Variants in STARD4 observed in about 807,000 individuals in gnomAD.
The protein encoded by STARD4 is stAR-related lipid transfer protein 4.
In STARD4, 33 loss-of-function variants were observed where a neutral mutation model predicts 24.9. The ratio of observed to expected loss-of-function variants is 1.32; its 90% confidence interval spans 1.00 to 1.77. The LOEUF (loss-of-function observed/expected upper bound fraction) is 1.77. Among genes scored for constraint, STARD4 ranks in the 40% most tolerant of loss-of-function variants. The probability of loss-of-function intolerance (pLI) is 0.00; values close to 1 mark genes in which losing one functional copy is unlikely to be tolerated. For synonymous variants in STARD4, 88 were observed against 77.4 expected (o/e 1.14, Z -0.72); for missense variants, 238 against 249.3 (o/e 0.95, Z 0.31).
chr5:111,500,672 C>T, intron 5 of STARD4: 1 of 1,303,858 alleles, frequency 7.7e-7, no homozygotes, highest in Non-Finnish European at 9.7e-7. Flanking sequence ...TCTAGTACTT[C>T]TCTGTGTATG....
chr5:111,510,233 A>G (rs1757148360), intron 1 of STARD4, among the ~76,000 whole-genome samples: 1 of 152,222 alleles, frequency 6.6e-6, no homozygotes, highest in African/African-American at 2.4e-5. Flanking sequence ...AACAGGCATA[A>G]TTGAGCATTT....
intron 1 of STARD4, among the ~76,000 whole-genome samples, chr5:111,511,278 T>G (rs913871577): frequency 1.3e-5 from 2 of 152,166 alleles, no homozygotes; most frequent in Non-Finnish European, 2.9e-5. Flanking sequence ...CCTAATGCTC[T>G]AATACTTGAT....
At chr5:111,504,650 A>G (rs1031983779) in intron 3 of STARD4, among the ~76,000 whole-genome samples, 3 of 152,174 alleles carry the variant, frequency 2.0e-5, no homozygotes, top group Admixed American at 6.5e-5. Flanking sequence ...TTATAACTCA[A>G]GCCAAACTTA....
At position 111,499,573 on chromosome 5, in the gene STARD4, A is replaced by G. The variant is rs1436102837; in HGVS notation, c.*313T>C. The G allele has an allele frequency of 3.7e-6, 1 of 273,810 alleles. No homozygotes were observed. Among genetic ancestry groups the G allele is most frequent in the Non-Finnish European group, 6.9e-6 (1 of 144,562 alleles). The allele number at this position is 273,810 out of a possible 1,614,324, so 17.0% of individuals were successfully genotyped here. A position where few individuals can be genotyped will look rare whatever the true frequency, so the allele number is the denominator to read the frequency against. Reference sequence around the variant, plus strand: ...GTGGCGTGCACCTGTATTCCCAGCTATTCAGGAGGCTGAGGTAGAATAACC... The same window carrying G: ...GTGGCGTGCACCTGTATTCCCAGCTGTTCAGGAGGCTGAGGTAGAATAACC... On this transcript the variant is annotated 3_prime_UTR_variant, in exon 6 of 6. Coordinates refer to ENST00000296632, the MANE Select transcript of STARD4 (RefSeq NM_139164.3).
rs1022558972 is a variant in STARD4 at position 111,497,751 on chromosome 5, T to A, written c.*2135A>T. 3 of 152,064 alleles carry A rather than the reference T, an allele frequency of 2.0e-5. No homozygotes were observed. The highest frequency in any genetic ancestry group is 2.9e-5 in the Non-Finnish European group (2 of 67,938). 9.4% of individuals were successfully genotyped at this position (152,064 alleles called of 1,614,324 possible). ...ACTCAATTATTTATGTTAATATCCA[T>A]CCCAACCCACATCATTAAGCTTTTT... On this transcript the variant is annotated 3_prime_UTR_variant, in exon 6 of 6. Transcript: ENST00000296632.
intron 2 of STARD4, 55 bp from the exon 3 acceptor site, chr5:111,506,434 CA>C: frequency 1.2e-6 from 1 of 811,004 alleles, no homozygotes; most frequent in African/African-American, 1.8e-5. Context: ...ACCCTAGACA[CA>C]AAACTGATAA....
chr5:111,510,480 A>G (rs547336948), intron 1 of STARD4, among the ~76,000 whole-genome samples: 3 of 152,276 alleles, frequency 2.0e-5, no homozygotes, highest in African/African-American at 7.2e-5. Context: ...TCTTGACCTT[A>G]TATCAGGAAA....
rs1413396334 is a variant in STARD4, at chr5:111,498,671, G to T, written c.*1215C>A. 2.0e-5 allele frequency: 3 copies of T among 152,044 alleles called. No individual in the cohort carries two copies. The highest frequency in any genetic ancestry group is 7.2e-5 in the African/African-American group (3 of 41,416). The allele number at this position is 152,044 out of a possible 1,614,324, so 9.4% of individuals were successfully genotyped here. ...ATCCTGGTAATTAATAAATCATTAA[G>T]AATATAGAATCCTTTGTGCATTCCT... On this transcript the variant is annotated 3_prime_UTR_variant, in exon 6 of 6. Transcript: ENST00000296632.
At position 111,498,610 on chromosome 5, in the gene STARD4, C is replaced by T. The variant is rs868268279; in HGVS notation, c.*1276G>A. ...TTGCAGAACAAAAAAAAAGAAGAAA[C>T]CTAGTAATTCAAAAGTACATTCAAT... is the stretch of plus-strand genomic sequence containing the variant. On this transcript the variant is annotated 3_prime_UTR_variant, in exon 6 of 6. Transcript: ENST00000296632. 6.6e-6 allele frequency: 1 copy of T among 151,898 alleles called. No individual in the cohort carries two copies. The highest frequency in any genetic ancestry group is 1.5e-5 in the Non-Finnish European group (1 of 67,936). 9.4% of individuals were successfully genotyped at this position (151,898 alleles called of 1,614,324 possible).
At chr5:111,508,713 C>T (rs1372879933) in intron 1 of STARD4, among the ~76,000 whole-genome samples, 1 of 152,042 alleles carries the variant, frequency 6.6e-6, no homozygotes, top group Non-Finnish European at 1.5e-5. Flanking sequence ...ATTTTAGGGC[C>T]CAGTGCCAAA....
chr5:111,511,290 A>G (rs181889504), intron 1 of STARD4, among the ~76,000 whole-genome samples: 4 of 149,498 alleles, frequency 2.7e-5, no homozygotes, highest in African/African-American at 4.9e-5. Context: ...ATACTTGATT[A>G]AAAAAAAAAC....
intron 1 of STARD4, among the ~76,000 whole-genome samples, chr5:111,509,210 C>A (rs1757073308): frequency 6.6e-6 from 1 of 152,222 alleles, no homozygotes; most frequent in East Asian, 1.9e-4. Context: ...TTACAGGGAT[C>A]ACTATGATTA....
chr5:111,500,906 T>C lies in STARD4; in HGVS notation c.397+96A>G, dbSNP rs545314656. 1.9e-5 allele frequency: 30 copies of C among 1,606,208 alleles called. No homozygotes were observed. In the African/African-American group the frequency reaches 3.1e-4, roughly 17 times the overall value. ...AATGTTAGTGATTACAGAGTCAGAGTTGAAAATATATCTCACAAGGAAAGA... is the reference window on the plus strand; with the variant it reads ...AATGTTAGTGATTACAGAGTCAGAGCTGAAAATATATCTCACAAGGAAAGA... On this transcript the variant is annotated intron_variant, in intron 5 of 5. Transcript: ENST00000296632.
intron 3 of STARD4, chr5:111,504,996 T>C (rs1287252971): frequency 1.3e-5 from 6 of 454,942 alleles, no homozygotes; most frequent in Non-Finnish European, 2.6e-5. Context: ...TGTGTCCAAC[T>C]CAACACATCA....
chr5:111,500,913 T>G (rs1373174541), intron 5 of STARD4, 89 bp downstream of exon 5: 1 of 1,607,952 alleles, frequency 6.2e-7, no homozygotes, highest in East Asian at 2.2e-5. Context: ...GAGTTGAAAA[T>G]ATATCTCACA....
chr5:111,510,371 T>A (rs1482574858), intron 1 of STARD4, among the ~76,000 whole-genome samples: 1 of 152,218 alleles, frequency 6.6e-6, no homozygotes, highest in Non-Finnish European at 1.5e-5. Context: ...TTTGCCCTCC[T>A]GCAATCTCCA....
Position 111,501,095 on chromosome 5 carries a change from T to A in STARD4, c.304A>T (p.Thr102Ser), listed in dbSNP as rs1327062506. 1.9e-6 allele frequency: 3 copies of A among 1,605,504 alleles called. No individual in the cohort carries two copies. The highest frequency in any genetic ancestry group is 2.5e-6 in the Non-Finnish European group (3 of 1,177,888). ...ATATTCCAAAGCTGACCAGCAGTAG[T>A]GTAACGCATCACACAGCAATTCTGA... Reference protein sequence around the residue: ...FEENCCVMRYTTAGQLWNIIS... With the variant: ...FEENCCVMRYSTAGQLWNIIS... The change falls in exon 5 of 6, where the codon ACT (threonine) becomes TCT (serine). Residue 102 changes from threonine (T) to serine (S), a missense_variant. Transcript: ENST00000296632.
At chr5:111,504,296 G>C (rs1320005024) in intron 3 of STARD4, among the ~76,000 whole-genome samples, 1 of 151,984 alleles carries the variant, frequency 6.6e-6, no homozygotes, top group African/African-American at 2.4e-5. Context: ...TACAAACATA[G>C]ATAAAAACAT....
chr5:111,498,414 C>A lies in STARD4; in HGVS notation c.*1472G>T, dbSNP rs1756212738. On this transcript the variant is annotated 3_prime_UTR_variant, in exon 6 of 6. Coordinates refer to ENST00000296632, the MANE Select transcript of STARD4 (RefSeq NM_139164.3). Reference sequence around the variant, plus strand: ...AATGTGTACTATCTTGTCACAAATCCCTTACTCAAGTTAGGCACCTTTGGA... The same window carrying A: ...AATGTGTACTATCTTGTCACAAATCACTTACTCAAGTTAGGCACCTTTGGA... 1 of 151,130 alleles carries A rather than the reference C, an allele frequency of 6.6e-6. No homozygotes were observed. Among genetic ancestry groups the A allele is most frequent in the South Asian group, 2.1e-4 (1 of 4,782 alleles). 9.4% of individuals were successfully genotyped at this position (151,130 alleles called of 1,614,324 possible).
Sources: gnomAD v4.1 joint callset for allele counts (sites outside exome capture counted in the v4.1 genomes callset) on GRCh38, gnomAD v4.1.1 for gene constraint, MANE v1.5 for transcripts, NCBI Gene and HGNC (gene_info 2026-07-23, HGNC 2026-07-21) for gene names.